PDE4B: variants seen among roughly 807,000 people sequenced by gnomAD.
PDE4B encodes the protein 3',5'-cyclic-AMP phosphodiesterase 4B.
In PDE4B, 20 loss-of-function variants were observed where a neutral mutation model predicts 82.2. The observed-to-expected ratio is 0.24, with a 90% confidence interval of 0.17 to 0.35. PDE4B has a LOEUF of 0.35. Ranked by LOEUF, PDE4B falls within the 10% of genes least tolerant of loss-of-function variation. PDE4B has a pLI of 1.00. For missense variants in PDE4B, 655 were observed against 907.2 expected (o/e 0.72, Z 3.57); for synonymous variants, 320 against 318.9 (o/e 1.00, Z -0.04).
At chr1:66,106,421 A>C (rs924889957) in intron 3 of PDE4B, among the ~76,000 whole-genome samples, 1 of 152,112 alleles carries the variant, frequency 6.6e-6, no homozygotes, top group African/African-American at 2.4e-5. Context: ...TGTCTCTGCC[A>C]GGCTTTGGTA....
At chr1:65,825,740 A>ATCTATCTATCTATCTATCTATCTATCTG (rs1557766190) in intron 1 of PDE4B, among the ~76,000 whole-genome samples, 42 of 151,812 alleles carry the variant, frequency 2.8e-4, no homozygotes, top group African/African-American at 9.4e-4. Context: ...CTATCTATCT[A>ATCTATCTATCTATCTATCTATCTATCTG]TCTATCTATC....
At chr1:66,183,492 A>G (rs1647115384) in intron 3 of PDE4B, among the ~76,000 whole-genome samples, 1 of 152,176 alleles carries the variant, frequency 6.6e-6, no homozygotes, top group South Asian at 2.1e-4. Flanking sequence ...ACGAGCAATG[A>G]CAGGAAGGAC....
intron 7 of PDE4B, among the ~76,000 whole-genome samples, chr1:66,327,095 T>C (rs1256861556): frequency 6.6e-6 from 1 of 152,226 alleles, no homozygotes; most frequent in African/African-American, 2.4e-5. Flanking sequence ...TAGCTATTTG[T>C]GGCCAGGCAG....
At chr1:66,144,781 C>T (rs1453856460) in intron 3 of PDE4B, among the ~76,000 whole-genome samples, 2 of 152,140 alleles carry the variant, frequency 1.3e-5, no homozygotes, top group Non-Finnish European at 2.9e-5. Context: ...TACTTTTTCA[C>T]CAGTGACTTT....
At chr1:65,893,948 G>A (rs1309300588) in intron 1 of PDE4B, among the ~76,000 whole-genome samples, 2 of 151,998 alleles carry the variant, frequency 1.3e-5, no homozygotes, top group Non-Finnish European at 2.9e-5. Flanking sequence ...AAGCTATGAG[G>A]ACACAAAGGC....
chr1:65,889,024 A>C (rs1646823291), intron 1 of PDE4B, among the ~76,000 whole-genome samples: 1 of 152,080 alleles, frequency 6.6e-6, no homozygotes, highest in South Asian at 2.1e-4. Flanking sequence ...CAGCTTTTAG[A>C]GAGAAGACTT....
chr1:66,110,610 T>A (rs533689353), intron 3 of PDE4B, among the ~76,000 whole-genome samples: 2 of 152,196 alleles, frequency 1.3e-5, no homozygotes, highest in South Asian at 4.1e-4. Context: ...TAACCATCTG[T>A]GTTTTTGTCT....
At chr1:66,186,101 C>A (rs931551507) in intron 3 of PDE4B, among the ~76,000 whole-genome samples, 3 of 152,220 alleles carry the variant, frequency 2.0e-5, no homozygotes, top group East Asian at 1.9e-4. Flanking sequence ...GAATCCTTTC[C>A]CCATTTCTTG....
rs116123768 is a variant in PDE4B at position 66,052,050 on chromosome 1, C to G, written c.281+133215C>G. Among the ~76,000 whole-genome samples the G allele has an allele frequency of 6.4e-3, 977 of 152,198 alleles. 9 individuals are homozygous for G. The highest frequency in any genetic ancestry group is 7.9e-3 in the Non-Finnish European group (536 of 68,004). ...GAAGCTCAGCTTTTCTTCTGCCAGT[C>G]CTGCTTCTTCCTCATCCCTTTCATG... On this transcript the variant is annotated intron_variant, in intron 3 of 16. Coordinates refer to ENST00000341517, the MANE Select transcript of PDE4B (RefSeq NM_002600.4).
intron 3 of PDE4B, among the ~76,000 whole-genome samples, chr1:66,214,615 A>C (rs899750351): frequency 2.0e-5 from 3 of 152,116 alleles, no homozygotes; most frequent in African/African-American, 7.2e-5. Flanking sequence ...TTTATTAACA[A>C]ATTTATTTAT....
At chr1:66,367,546 G>A (rs900621969) in intron 13 of PDE4B, 150 bp from the exon 14 acceptor site, 5 of 611,306 alleles carry the variant, frequency 8.2e-6, no homozygotes, top group Admixed American at 3.4e-5. Flanking sequence ...TGTTTGTAGA[G>A]GGCCACTGCT....
At chr1:66,186,251 T>C (rs1452366032) in intron 3 of PDE4B, among the ~76,000 whole-genome samples, 1 of 152,226 alleles carries the variant, frequency 6.6e-6, no homozygotes, top group African/African-American at 2.4e-5. Flanking sequence ...CATTGTATAA[T>C]TTGAAGTCAG....
intron 8 of PDE4B, chr1:66,354,364 A>T (rs964980083): frequency 1.0e-6 from 1 of 985,226 alleles, no homozygotes; most frequent in African/African-American, 1.7e-5. Context: ...TTACTTAAAT[A>T]TTCATGGGGC....
intron 3 of PDE4B, chr1:66,062,930 T>G (rs1655659093): frequency 6.6e-6 from 1 of 152,080 alleles, no homozygotes; most frequent in Non-Finnish European, 1.5e-5. Context: ...TGGATCCTCA[T>G]GTTCCAGAAG....
intron 3 of PDE4B, among the ~76,000 whole-genome samples, chr1:66,182,243 G>A (rs189181895): frequency 8.6e-4 from 131 of 152,064 alleles, no homozygotes; most frequent in Middle Eastern, 3.4e-3. Flanking sequence ...GTAAAGCTTC[G>A]TTATATCTGT....
chr1:66,351,757 C>G (rs896802527), intron 8 of PDE4B, among the ~76,000 whole-genome samples: 1 of 152,150 alleles, frequency 6.6e-6, no homozygotes, highest in Non-Finnish European at 1.5e-5. Flanking sequence ...CAAGATTTGT[C>G]TACTACATTG....
chr1:65,931,974 C>T (rs748440221), intron 3 of PDE4B, among the ~76,000 whole-genome samples: 1 of 152,188 alleles, frequency 6.6e-6, no homozygotes, highest in Non-Finnish European at 1.5e-5. Context: ...GTTACCATAT[C>T]CTTTCCCTCA....
chr1:66,081,832 C>CTCTCTGTGTG (rs1280680569), intron 3 of PDE4B, among the ~76,000 whole-genome samples: 12 of 125,196 alleles, frequency 9.6e-5, no homozygotes, highest in African/African-American at 2.7e-4. Flanking sequence ...CTCTCTCTCT[C>CTCTCTGTGTG]TGTGTGTGTG....
intron 7 of PDE4B, among the ~76,000 whole-genome samples, chr1:66,281,524 G>T (rs1160046287): frequency 6.6e-6 from 1 of 152,180 alleles, no homozygotes; most frequent in Admixed American, 6.5e-5. Flanking sequence ...AGTTTAACAT[G>T]GGTTTTCCTC....
Sources: allele counts gnomAD v4.1 joint callset (sites outside exome capture counted in the v4.1 genomes callset), GRCh38; gene constraint gnomAD v4.1.1; transcripts MANE v1.5; gene names NCBI Gene and HGNC (gene_info 2026-07-23, HGNC 2026-07-21).